FBXL20: variants seen among roughly 807,000 people sequenced by gnomAD.
The protein encoded by FBXL20 is F-box/LRR-repeat protein 20.
FBXL20 carries 11 observed loss-of-function variants against 64.0 expected under a neutral mutation model. That is an observed-to-expected ratio of 0.17 (90% confidence interval 0.11 to 0.28). The LOEUF is 0.28. FBXL20 is among the 10% of genes least tolerant of loss of function. FBXL20 has a pLI of 1.00. For synonymous variants in FBXL20, 184 were observed against 189.0 expected, an observed-to-expected ratio of 0.97 and a Z score of 0.22; for missense variants, 303 against 526.2, an observed-to-expected ratio of 0.58 and a Z score of 4.15.
intron 1 of FBXL20, among the ~76,000 whole-genome samples, chr17:39,381,919 A>AC (rs1198455417): frequency 6.6e-6 from 1 of 151,204 alleles, no homozygotes; most frequent in Non-Finnish European, 1.5e-5. Flanking sequence ...ACATGGTGAA[A>AC]CCCCCTCTCT....
At chr17:39,275,401 T>TTTTA (rs550039792) in intron 9 of FBXL20, among the ~76,000 whole-genome samples, 2,793 of 151,654 alleles carry the variant, frequency 0.018, 83 homozygotes, top group African/African-American at 0.062. Context: ...AATTAAATAA[T>TTTTA]TTTATTTATT....
rs904721852 is a variant in FBXL20 at position 39,297,249 on chromosome 17, A to G, written c.330-54T>C. 25 of 1,037,872 alleles carry G rather than the reference A, an allele frequency of 2.4e-5. No homozygotes were observed. The South Asian group carries it at 3.2e-4, about 13-fold the overall frequency. 64.3% of individuals were successfully genotyped at this position (1,037,872 alleles called of 1,614,324 possible). ...AAATGAAATAGGCCAAATTCCAGTC[A>G]TTAAAAAAGTAATAAAATATATTAT... On this transcript the variant is annotated intron_variant, in intron 5 of 14. Transcript: ENST00000264658.
chr17:39,312,829 G>C (rs2047248019), intron 2 of FBXL20, among the ~76,000 whole-genome samples: 1 of 150,510 alleles, frequency 6.6e-6, no homozygotes, highest in African/African-American at 2.5e-5. Flanking sequence ...GCCTGCCTCA[G>C]CCTCCCAAAG....
chr17:39,304,110 C>T (rs764655845), intron 2 of FBXL20, among the ~76,000 whole-genome samples: 7 of 151,950 alleles, frequency 4.6e-5, no homozygotes, highest in Admixed American at 1.3e-4. Context: ...TAATACTGCC[C>T]ATATAAAACA....
At chr17:39,285,386 G>T in intron 7 of FBXL20, 92 bp downstream of exon 7, 1 of 751,250 alleles carries the variant, frequency 1.3e-6, no homozygotes, top group Non-Finnish European at 2.1e-6. Context: ...CCATAAAACA[G>T]AGTTGCCTTC....
At chr17:39,282,228 GAGAT>G (rs1208536428) in intron 8 of FBXL20, among the ~76,000 whole-genome samples, 1 of 151,938 alleles carries the variant, frequency 6.6e-6, no homozygotes, top group Non-Finnish European at 1.5e-5. Context: ...ATAAAACACT[GAGAT>G]AGTAAAATTT....
At chr17:39,327,826 G>A (rs1002879309) in intron 2 of FBXL20, among the ~76,000 whole-genome samples, 4 of 152,006 alleles carry the variant, frequency 2.6e-5, no homozygotes, top group Non-Finnish European at 4.4e-5. Flanking sequence ...TCAGCCTTCC[G>A]AGTAGCTGGG....
intron 2 of FBXL20, among the ~76,000 whole-genome samples, chr17:39,308,077 T>C (rs567786760): frequency 1.3e-5 from 2 of 151,606 alleles, no homozygotes; most frequent in Admixed American, 6.6e-5. Context: ...CTCACACCTA[T>C]ATATAATCCT....
intron 2 of FBXL20, among the ~76,000 whole-genome samples, chr17:39,312,566 ATC>A (rs1458079568): frequency 1.7e-5 from 2 of 118,998 alleles, no homozygotes; most frequent in Non-Finnish European, 3.4e-5. Context: ...TTTAAATTCT[ATC>A]TTTTTTTTTT....
rs960581872 is a variant in FBXL20, at chr17:39,265,681, A to C, written c.934-228T>G. Among the ~76,000 whole-genome samples, 3 of 142,948 alleles carry C rather than the reference A, an allele frequency of 2.1e-5. No homozygotes were observed. In the Admixed American group the frequency reaches 2.1e-4, roughly 10 times the overall value. 93.8% of individuals were successfully genotyped at this position (142,948 alleles called of 152,430 possible). Reference sequence around the variant, plus strand: ...GCCACCAGGACTAATTTTTTAAATTAAAAAAATTTTTTTTTTTTTTTTGTA... The same window carrying C: ...GCCACCAGGACTAATTTTTTAAATTCAAAAAATTTTTTTTTTTTTTTTGTA... On this transcript the variant is annotated intron_variant, in intron 12 of 14. Transcript: ENST00000264658.
intron 2 of FBXL20, among the ~76,000 whole-genome samples, chr17:39,310,371 A>C (rs2047223083): frequency 6.6e-6 from 1 of 152,006 alleles, no homozygotes. Context: ...AAAGACAGCC[A>C]TGCATGCCTG....
At chr17:39,392,169 G>GT (rs2048140215) in intron 1 of FBXL20, among the ~76,000 whole-genome samples, 1 of 152,078 alleles carries the variant, frequency 6.6e-6, no homozygotes, top group African/African-American at 2.4e-5. Context: ...GCCAGGCGCA[G>GT]TGGCTCATGC....
At chr17:39,323,039 G>A (rs1198320047) in intron 2 of FBXL20, among the ~76,000 whole-genome samples, 19 of 150,314 alleles carry the variant, frequency 1.3e-4, no homozygotes, top group African/African-American at 3.7e-4. Context: ...GCACAATCTC[G>A]GCTCACTGCA....
chr17:39,265,383 A>G lies in FBXL20; in HGVS notation c.990+14T>C. ...AACCCAGTAAACACATAAAGTTTTC[A>G]AAGTTAAACTCACCAATACTTGAAG... On this transcript the variant is annotated intron_variant, in intron 13 of 14. Transcript: ENST00000264658. 6.2e-7 allele frequency: 1 copy of G among 1,601,388 alleles called. No individual in the cohort carries two copies.
At chr17:39,307,933 T>G (rs1206051677) in intron 2 of FBXL20, among the ~76,000 whole-genome samples, 2 of 146,262 alleles carry the variant, frequency 1.4e-5, no homozygotes, top group African/African-American at 5.1e-5. Context: ...ATGGCTCCAC[T>G]GCACTCCAAC....
At chr17:39,401,885 G>A (rs1291896584), upstream of FBXL20, 6 of 399,072 alleles carry the variant, frequency 1.5e-5, no homozygotes, top group South Asian at 1.2e-4. Flanking sequence ...AGAAGGCGAG[G>A]CAGGGAAGTG....
intron 6 of FBXL20, among the ~76,000 whole-genome samples, chr17:39,285,995 C>T (rs938450612): frequency 6.6e-6 from 1 of 152,164 alleles, no homozygotes; most frequent in African/African-American, 2.4e-5. Context: ...TCAAGATAAC[C>T]TTTTGCATAA....
At chr17:39,361,663 G>A (rs1422789412) in intron 1 of FBXL20, among the ~76,000 whole-genome samples, 1 of 151,906 alleles carries the variant, frequency 6.6e-6, no homozygotes, top group Non-Finnish European at 1.5e-5. Flanking sequence ...TGGGTGTGGT[G>A]GCACGCGCCT....
chr17:39,397,318 T>C (rs1022390839), intron 1 of FBXL20, among the ~76,000 whole-genome samples: 5 of 152,188 alleles, frequency 3.3e-5, no homozygotes, highest in African/African-American at 1.2e-4. Flanking sequence ...TGACGTATAA[T>C]GAAAAACAAT....
Sources: gnomAD v4.1 joint callset for allele counts (sites outside exome capture counted in the v4.1 genomes callset) on GRCh38, gnomAD v4.1.1 for gene constraint, MANE v1.5 for transcripts, NCBI Gene and HGNC (gene_info 2026-07-23, HGNC 2026-07-21) for gene names.